The following NLGN1 variants were observed in gnomAD, a reference collection of about 807,000 sequenced individuals.
NLGN1 encodes neuroligin 1.
NLGN1 carries 12 observed loss-of-function variants against 65.5 expected under a neutral mutation model. The ratio of observed to expected loss-of-function variants is 0.18; its 90% CI spans 0.12 to 0.30. The LOEUF is 0.30. NLGN1 is among the 10% of genes least tolerant of loss of function. The pLI is 1.00. For missense variants in NLGN1, 750 were observed against 1,007.1 expected (o/e 0.74, Z 3.46); for synonymous variants, 350 against 359.5 (o/e 0.97, Z 0.30).
At chr3:173,986,146 A>T (rs1024001181) in intron 4 of NLGN1, among the ~76,000 whole-genome samples, 3 of 152,036 alleles carry the variant, frequency 2.0e-5, no homozygotes, top group African/African-American at 7.2e-5. Context: ...TGGATCCATA[A>T]TCCAATATGA....
intron 3 of NLGN1, among the ~76,000 whole-genome samples, chr3:173,682,890 A>G (rs1502469): frequency 0.1 from 15,284 of 152,208 alleles, 799 homozygotes; most frequent in Middle Eastern, 0.25. Flanking sequence ...TCAAATTTAG[A>G]TATCTCTTTA....
chr3:174,072,383 C>G (rs1000832310), intron 4 of NLGN1, among the ~76,000 whole-genome samples: 1 of 152,066 alleles, frequency 6.6e-6, no homozygotes, highest in South Asian at 2.1e-4. Flanking sequence ...CTAGAGAAAG[C>G]CAACAGAGAA....
chr3:174,059,132 C>T (rs1405990552), intron 4 of NLGN1, among the ~76,000 whole-genome samples: 1 of 152,102 alleles, frequency 6.6e-6, no homozygotes. Context: ...CATCTGTGCT[C>T]ACTACCAAAG....
intron 2 of NLGN1, among the ~76,000 whole-genome samples, chr3:173,470,941 CA>C (rs1725216326): frequency 6.6e-6 from 1 of 152,046 alleles, no homozygotes. Flanking sequence ...CTCAAAGTCA[CA>C]CAATTTAAAA....
intron 3 of NLGN1, among the ~76,000 whole-genome samples, chr3:173,792,887 T>C (rs1713129670): frequency 6.6e-6 from 1 of 152,186 alleles, no homozygotes; most frequent in African/African-American, 2.4e-5. Flanking sequence ...TTTTTGCTCA[T>C]GAATTTCGAA....
intron 4 of NLGN1, among the ~76,000 whole-genome samples, chr3:174,084,322 A>G (rs1026451971): frequency 2.6e-5 from 4 of 152,202 alleles, no homozygotes; most frequent in African/African-American, 9.6e-5. Context: ...AATCAATTTA[A>G]CTAACAATAG....
intron 3 of NLGN1, among the ~76,000 whole-genome samples, chr3:173,739,244 C>T (rs985349611): frequency 1.3e-5 from 2 of 151,904 alleles, no homozygotes; most frequent in African/African-American, 4.8e-5. Context: ...TTGTGGGGGC[C>T]AGAAAAGCCA....
chr3:174,096,006 T>A (rs1310390398), intron 4 of NLGN1, among the ~76,000 whole-genome samples: 2 of 151,236 alleles, frequency 1.3e-5, no homozygotes, highest in South Asian at 2.1e-4. Context: ...TCTAAAAAAA[T>A]AAATAAATAA....
Position 174,252,684 on chromosome 3 carries a change from T to G in NLGN1, c.647-22631T>G, listed in dbSNP as rs555377656. ...ATATTTTTGTTGGAATTCTTTACAT[T>G]CTTTATCTTTAAGACATCAGAGTTC... On this transcript the variant is annotated intron_variant, in intron 4 of 6. Coordinates refer to ENST00000457714, the Ensembl canonical transcript of NLGN1. Among the ~76,000 whole-genome samples the G allele has an allele frequency of 3.5e-4, 54 of 152,304 alleles. No individual in the cohort carries two copies. In the South Asian group the frequency reaches 4.1e-3, roughly 12 times the overall value.
At chr3:173,967,913 A>G (rs1365825255) in intron 4 of NLGN1, among the ~76,000 whole-genome samples, 1 of 152,196 alleles carries the variant, frequency 6.6e-6, no homozygotes, top group Non-Finnish European at 1.5e-5. Context: ...AGTGAAGTCA[A>G]TTAGAACATA....
rs527499878 is a variant in NLGN1 at position 173,601,118 on chromosome 3, C to T, written c.-320-3161C>T. 5.3e-5 allele frequency among the ~76,000 whole-genome samples: 8 copies of T among 152,076 alleles called. No homozygotes were observed. The East Asian group carries it at 5.8e-4, about 11-fold the overall frequency. The stretch of plus-strand genomic sequence containing the variant: ...TATGAGCTAGTATCCCCATTGACTT[C>T]GAAGTCAGACGAAGCTCGTCCTATG... On this transcript the variant is annotated intron_variant, in intron 2 of 6. Coordinates refer to ENST00000457714, the Ensembl canonical transcript of NLGN1.
At chr3:173,949,616 A>C (rs560748875) in intron 4 of NLGN1, among the ~76,000 whole-genome samples, 7 of 152,332 alleles carry the variant, frequency 4.6e-5, no homozygotes, top group Non-Finnish European at 1.0e-4. Flanking sequence ...AGTAAAACCA[A>C]GCCTTAAAAA....
intron 4 of NLGN1, among the ~76,000 whole-genome samples, chr3:174,222,404 A>G (rs1477335134): frequency 1.3e-5 from 2 of 152,156 alleles, no homozygotes; most frequent in Non-Finnish European, 2.9e-5. Context: ...GGCAAATGTT[A>G]ATCTTGGTTA....
intron 2 of NLGN1, among the ~76,000 whole-genome samples, chr3:173,481,112 A>G (rs74766719): frequency 0.011 from 1,605 of 152,146 alleles, 30 homozygotes; most frequent in African/African-American, 0.037. Flanking sequence ...CATTCAAATC[A>G]AGGCAGTTTG....
At chr3:173,885,628 A>G (rs1305799559) in intron 4 of NLGN1, among the ~76,000 whole-genome samples, 1 of 152,128 alleles carries the variant, frequency 6.6e-6, no homozygotes, top group Admixed American at 6.6e-5. Context: ...ATAAATGGCT[A>G]AGGGATAAGT....
At chr3:173,858,353 G>C (rs949689084) in intron 4 of NLGN1, among the ~76,000 whole-genome samples, 11 of 152,048 alleles carry the variant, frequency 7.2e-5, no homozygotes, top group Non-Finnish European at 1.2e-4. Flanking sequence ...CAGAAGGATA[G>C]ACTGATTTGT....
At chr3:173,884,471 A>G (rs1427115810) in intron 4 of NLGN1, among the ~76,000 whole-genome samples, 1 of 152,178 alleles carries the variant, frequency 6.6e-6, no homozygotes, top group East Asian at 1.9e-4. Context: ...AGTAGCATAA[A>G]TATAACACTT....
chr3:173,777,610 T>A (rs1224523771), intron 3 of NLGN1, among the ~76,000 whole-genome samples: 1 of 118,622 alleles, frequency 8.4e-6, no homozygotes, highest in Non-Finnish European at 1.8e-5. Flanking sequence ...GAATGTATTC[T>A]GTCTGTCTGT....
intron 1 of NLGN1, among the ~76,000 whole-genome samples, chr3:173,415,943 A>AGAGAGCGCGCGC (rs141095727): frequency 5.6e-5 from 8 of 142,886 alleles, no homozygotes; most frequent in African/African-American, 2.2e-4. Context: ...AGAGAGAGAG[A>AGAGAGCGCGCGC]GCTTGGTATA....
Sources: gnomAD v4.1 joint callset for allele counts (sites outside exome capture counted in the v4.1 genomes callset) on GRCh38, gnomAD v4.1.1 for gene constraint, MANE v1.5 for transcripts, NCBI Gene and HGNC (gene_info 2026-07-23, HGNC 2026-07-21) for gene names.